The following PRKN variants were observed in gnomAD, a reference collection of about 807,000 sequenced individuals.
The protein encoded by PRKN is E3 ubiquitin-protein ligase parkin.
PRKN carries 56 observed loss-of-function variants against 59.5 expected under a neutral mutation model. That is an observed-to-expected ratio of 0.94 (90% CI 0.76 to 1.18). The LOEUF (loss-of-function observed/expected upper bound fraction) is 1.18. Ranked by LOEUF, PRKN falls within the 50% of genes most tolerant of loss-of-function variation. The pLI, the probability that PRKN is intolerant of heterozygous loss-of-function variation, is 0.00. For missense variants in PRKN, 657 were observed against 596.4 expected (o/e 1.10, Z -1.06); for synonymous variants, 250 against 222.1 (o/e 1.13, Z -1.12).
At position 161,401,646 on chromosome 6, in the gene PRKN, T is replaced by G. The variant is rs1240540983; in HGVS notation, c.1084-14769A>C. Among the ~76,000 whole-genome samples the G allele has an allele frequency of 1.3e-5, 2 of 151,926 alleles. No individual in the cohort carries two copies. The highest frequency in any genetic ancestry group is 4.8e-5 in the African/African-American group (2 of 41,340). ...CACCAAAAAAAAAAAATTAGAGTAC[T>G]GATCTGGATTTCACCCTTGAAGTTA... On this transcript the variant is annotated intron_variant, in intron 9 of 11. Transcript: ENST00000366898. The surrounding 1 kb of genome is among the most constrained non-coding windows in gnomAD (Gnocchi z 4.4).
chr6:162,480,585 G>C (rs765372100), intron 1 of PRKN, among the ~76,000 whole-genome samples: 1 of 152,036 alleles, frequency 6.6e-6, no homozygotes, highest in Non-Finnish European at 1.5e-5. Flanking sequence ...AGTGCTGCTG[G>C]TGAAGCCCAC....
At chr6:162,054,546 C>T (rs953982079) in intron 4 of PRKN, among the ~76,000 whole-genome samples, 3 of 152,236 alleles carry the variant, frequency 2.0e-5, no homozygotes, top group Admixed American at 1.3e-4. Flanking sequence ...ACTACCATCC[C>T]CACCCAACCC....
chr6:162,559,572 G>A (rs1779751905), intron 1 of PRKN, among the ~76,000 whole-genome samples: 1 of 152,288 alleles, frequency 6.6e-6, no homozygotes, highest in Non-Finnish European at 1.5e-5. Flanking sequence ...TCCCAGCTGA[G>A]GCATTTATCT....
At chr6:162,674,059 A>G (rs1267427989) in intron 1 of PRKN, among the ~76,000 whole-genome samples, 1 of 152,212 alleles carries the variant, frequency 6.6e-6, no homozygotes, top group African/African-American at 2.4e-5. Context: ...GCACAGTGCT[A>G]GTTGCATGGT....
intron 5 of PRKN, among the ~76,000 whole-genome samples, chr6:161,994,873 C>G (rs936974137): frequency 1.3e-5 from 2 of 151,400 alleles, no homozygotes; most frequent in African/African-American, 4.9e-5. Flanking sequence ...GTTAAAATGA[C>G]TGCTCAATGC....
chr6:161,845,715 A>G (rs1793172755), intron 6 of PRKN, among the ~76,000 whole-genome samples: 1 of 152,220 alleles, frequency 6.6e-6, no homozygotes, highest in African/African-American at 2.4e-5. Flanking sequence ...TCATTCTCAG[A>G]CAATGGTCAA....
intron 10 of PRKN, among the ~76,000 whole-genome samples, chr6:161,384,534 C>A (rs755869566): frequency 2.0e-5 from 3 of 152,156 alleles, no homozygotes; most frequent in Non-Finnish European, 2.9e-5. Flanking sequence ...CACAGTGAGA[C>A]CCTGGTTCAA....
At chr6:161,776,919 A>C (rs890892157) in intron 7 of PRKN, among the ~76,000 whole-genome samples, 1 of 152,204 alleles carries the variant, frequency 6.6e-6, no homozygotes, top group Non-Finnish European at 1.5e-5. Context: ...TTTAAATATG[A>C]AATAGTGCTA....
At chr6:162,188,534 C>T (rs978518852) in intron 4 of PRKN, among the ~76,000 whole-genome samples, 5 of 152,210 alleles carry the variant, frequency 3.3e-5, no homozygotes, top group Non-Finnish European at 7.3e-5. Flanking sequence ...ACAGCAATCT[C>T]CTGGTCCTAC....
intron 2 of PRKN, among the ~76,000 whole-genome samples, chr6:162,348,062 T>C (rs1462288222): frequency 6.6e-6 from 1 of 152,154 alleles, no homozygotes. Context: ...CAAAGACTTG[T>C]TCAAGTTTAT....
intron 1 of PRKN, among the ~76,000 whole-genome samples, chr6:162,641,388 G>A (rs1288362834): frequency 6.6e-6 from 1 of 151,718 alleles, no homozygotes; most frequent in African/African-American, 2.4e-5. Flanking sequence ...AATTGTAGAA[G>A]GCAAAAATCA....
At chr6:161,955,845 T>G (rs530445971) in intron 6 of PRKN, among the ~76,000 whole-genome samples, 3 of 152,164 alleles carry the variant, frequency 2.0e-5, no homozygotes, top group Non-Finnish European at 2.9e-5. Flanking sequence ...AGCTAAACTC[T>G]ATCTCAAAAA....
chr6:162,635,196 C>T (rs1476750575), intron 1 of PRKN, among the ~76,000 whole-genome samples: 1 of 152,174 alleles, frequency 6.6e-6, no homozygotes, highest in Non-Finnish European at 1.5e-5. Context: ...ATATTTTTCA[C>T]ATGTGGAAAA....
chr6:162,050,544 T>G (rs1777592500), intron 5 of PRKN, among the ~76,000 whole-genome samples: 1 of 151,878 alleles, frequency 6.6e-6, no homozygotes, highest in Non-Finnish European at 1.5e-5. Flanking sequence ...TACTAGACAA[T>G]GTAGGTTCAC....
chr6:162,221,375 T>C (rs1046721913), intron 3 of PRKN, among the ~76,000 whole-genome samples: 30 of 152,320 alleles, frequency 2.0e-4, no homozygotes, highest in African/African-American at 7.0e-4. Flanking sequence ...ACCTGGCTGA[T>C]GAATGAAATT....
At chr6:162,348,524 TAAA>T (rs1388386541) in intron 2 of PRKN, among the ~76,000 whole-genome samples, 1 of 151,978 alleles carries the variant, frequency 6.6e-6, no homozygotes, top group East Asian at 1.9e-4. Context: ...TAAAACTAAA[TAAA>T]GAAGAACAAA....
rs978737518 is a variant in PRKN at position 161,354,732 on chromosome 6, C to A, written c.1286-4521G>T. Among the ~76,000 whole-genome samples, 8 of 152,264 alleles carry A rather than the reference C, an allele frequency of 5.3e-5. No individual in the cohort carries two copies. Among genetic ancestry groups the A allele is most frequent in the African/African-American group, 1.9e-4 (8 of 41,552 alleles). On this transcript the variant is annotated intron_variant, in intron 11 of 11. Coordinates refer to ENST00000366898, the MANE Select transcript of PRKN (RefSeq NM_004562.3). The surrounding 1 kb of genome is among the most constrained non-coding windows in gnomAD (Gnocchi z 6.7). The stretch of plus-strand genomic sequence containing the variant: ...CAGGTAACATCCTTGGTCATAGAGG[C>A]TATGTCGGTTTCGGTTACAGTGATG...
chr6:161,771,396 A>AAAAAAAAAAT (rs1562671030), intron 7 of PRKN, among the ~76,000 whole-genome samples: 3 of 148,288 alleles, frequency 2.0e-5, no homozygotes, highest in South Asian at 2.2e-4. Flanking sequence ...ATAAAATAAA[A>AAAAAAAAAAT]TAAAAGCACT....
At chr6:162,093,388 C>T (rs1303914331) in intron 4 of PRKN, among the ~76,000 whole-genome samples, 1 of 152,164 alleles carries the variant, frequency 6.6e-6, no homozygotes, top group East Asian at 1.9e-4. Flanking sequence ...AGTTCCTGCA[C>T]TTTCTTCTCC....
Sources: gnomAD v4.1 joint callset for allele counts (sites outside exome capture counted in the v4.1 genomes callset) on GRCh38, gnomAD v4.1.1 for gene constraint, Gnocchi (gnomAD v3.1) non-coding constraint, MANE v1.5 for transcripts, NCBI Gene and HGNC (gene_info 2026-07-23, HGNC 2026-07-21) for gene names.